ADAMTSL1: variants seen among roughly 807,000 people sequenced by gnomAD.
ADAMTSL1 encodes the protein ADAMTS-like protein 1.
Under a neutral mutation model 201.8 loss-of-function variants are expected in ADAMTSL1, and 126 were observed. The observed-to-expected ratio is 0.62, with a 90% CI of 0.54 to 0.72. The LOEUF (loss-of-function observed/expected upper bound fraction) is 0.72, where lower values mean the gene tolerates loss of function less well. Among genes scored for constraint, ADAMTSL1 ranks in the 30% least tolerant of loss-of-function variants. The probability of loss-of-function intolerance (pLI) is 0.00; values close to 1 mark genes in which losing one functional copy is unlikely to be tolerated. For missense variants in ADAMTSL1, 2,679 were observed against 2,277.8 expected (o/e 1.18, Z -3.59); for synonymous variants, 1,121 against 903.4 (o/e 1.24, Z -4.32).
intron 17 of ADAMTSL1, among the ~76,000 whole-genome samples, chr9:18,773,782 G>A (rs943703397): frequency 1.1e-4 from 16 of 152,150 alleles, no homozygotes; most frequent in South Asian, 2.1e-4. Flanking sequence ...CTGTTTTTAT[G>A]TTTCTACTTA....
At chr9:18,235,114 T>C (rs1830793362) in intron 2 of ADAMTSL1, among the ~76,000 whole-genome samples, 1 of 152,194 alleles carries the variant, frequency 6.6e-6, no homozygotes, top group African/African-American at 2.4e-5. Flanking sequence ...TGGTCTGGAA[T>C]CACATCCTGG....
intron 2 of ADAMTSL1, among the ~76,000 whole-genome samples, chr9:18,363,375 C>T (rs564817414): frequency 2.0e-5 from 3 of 152,118 alleles, no homozygotes; most frequent in Admixed American, 6.5e-5. Context: ...TATTATAAGC[C>T]GACAAGCGTA....
At chr9:17,971,005 G>C (rs1371639491) in intron 1 of ADAMTSL1, among the ~76,000 whole-genome samples, 3 of 152,020 alleles carry the variant, frequency 2.0e-5, no homozygotes, top group Non-Finnish European at 2.9e-5. Flanking sequence ...TTGCTGTGTA[G>C]TAAATTTGGT....
intron 2 of ADAMTSL1, among the ~76,000 whole-genome samples, chr9:18,212,548 A>C (rs1829917485): frequency 6.6e-6 from 1 of 152,216 alleles, no homozygotes; most frequent in South Asian, 2.1e-4. Flanking sequence ...GGCCAGGCTG[A>C]AGTGTAGTTT....
At chr9:18,024,886 G>C (rs1211868899) in intron 1 of ADAMTSL1, among the ~76,000 whole-genome samples, 2 of 152,106 alleles carry the variant, frequency 1.3e-5, no homozygotes, top group Admixed American at 6.6e-5. Context: ...TCCACCAACA[G>C]TGTATAAGCA....
intron 2 of ADAMTSL1, among the ~76,000 whole-genome samples, chr9:18,373,037 A>T (rs1456554092): frequency 6.6e-6 from 1 of 152,170 alleles, no homozygotes; most frequent in Non-Finnish European, 1.5e-5. Flanking sequence ...TAGCCGCATG[A>T]TCCTTAGGGA....
At chr9:18,248,836 G>C (rs950400530) in intron 2 of ADAMTSL1, among the ~76,000 whole-genome samples, 7 of 152,176 alleles carry the variant, frequency 4.6e-5, no homozygotes, top group Admixed American at 3.9e-4. Context: ...GATTAGGCAA[G>C]AATGTATTGT....
intron 2 of ADAMTSL1, among the ~76,000 whole-genome samples, chr9:18,255,321 G>T (rs181315501): frequency 6.6e-6 from 1 of 151,802 alleles, no homozygotes; most frequent in East Asian, 1.9e-4. Flanking sequence ...GCGTTTGCTA[G>T]CATCTTTAAA....
chr9:17,914,793 C>G (rs1826027779), intron 1 of ADAMTSL1, among the ~76,000 whole-genome samples: 1 of 151,860 alleles, frequency 6.6e-6, no homozygotes, highest in Admixed American at 6.6e-5. Context: ...AGCCCAAAAT[C>G]TCCTTAAGCT....
At chr9:17,968,581 T>G (rs1818073268) in intron 1 of ADAMTSL1, among the ~76,000 whole-genome samples, 2 of 152,076 alleles carry the variant, frequency 1.3e-5, no homozygotes, top group South Asian at 4.1e-4. Context: ...TTGGCACCAT[T>G]GGCATTGTAG....
chr9:18,684,272 T>C (rs1830690294), intron 12 of ADAMTSL1, among the ~76,000 whole-genome samples: 1 of 152,060 alleles, frequency 6.6e-6, no homozygotes, highest in African/African-American at 2.4e-5. Flanking sequence ...TTTGGCAATG[T>C]GACATAGATC....
chr9:18,588,896 TATATATAC>T (rs1339530586), intron 4 of ADAMTSL1, among the ~76,000 whole-genome samples: 1 of 113,958 alleles, frequency 8.8e-6, no homozygotes, highest in Non-Finnish European at 1.9e-5. Context: ...TATATATATA[TATATATAC>T]ATATATATAC....
At chr9:18,239,064 TA>T (rs1487811596) in intron 2 of ADAMTSL1, among the ~76,000 whole-genome samples, 2 of 152,246 alleles carry the variant, frequency 1.3e-5, no homozygotes, top group Admixed American at 6.5e-5. Context: ...ACCTTAATTT[TA>T]AAGTATTGCT....
intron 2 of ADAMTSL1, among the ~76,000 whole-genome samples, chr9:18,185,506 A>G (rs1417473428): frequency 6.6e-6 from 1 of 152,168 alleles, no homozygotes; most frequent in Non-Finnish European, 1.5e-5. Context: ...AATGTGTATT[A>G]TTATTAGCCA....
intron 1 of ADAMTSL1, among the ~76,000 whole-genome samples, chr9:17,959,732 A>G (rs1028986807): frequency 1.3e-5 from 2 of 152,202 alleles, no homozygotes; most frequent in African/African-American, 4.8e-5. Context: ...CTGGGATTAT[A>G]GGAGCAAGCC....
At chr9:18,386,019 T>C (rs34135634) in intron 2 of ADAMTSL1, among the ~76,000 whole-genome samples, 11,675 of 152,258 alleles carry the variant, frequency 0.077, 461 homozygotes, top group Non-Finnish European at 0.087. Flanking sequence ...AGTCAAAGAA[T>C]GCATAATAAA....
At chr9:18,874,276 C>G (rs541988979) in intron 23 of ADAMTSL1, among the ~76,000 whole-genome samples, 1 of 152,034 alleles carries the variant, frequency 6.6e-6, no homozygotes, top group African/African-American at 2.4e-5. Context: ...GATTTGGATG[C>G]GCTTTCTTTC....
At chr9:18,460,347 A>G (rs1461607007) in intron 2 of ADAMTSL1, among the ~76,000 whole-genome samples, 1 of 152,216 alleles carries the variant, frequency 6.6e-6, no homozygotes, top group African/African-American at 2.4e-5. Flanking sequence ...TGTTTGCTGC[A>G]GAAGATACAG....
At chr9:18,784,809 C>T (rs555347794) in intron 19 of ADAMTSL1, among the ~76,000 whole-genome samples, 28 of 152,162 alleles carry the variant, frequency 1.8e-4, no homozygotes, top group African/African-American at 6.3e-4. Context: ...CCAATTTTAC[C>T]GATATTGGAG....
Sources: allele counts gnomAD v4.1 joint callset (sites outside exome capture counted in the v4.1 genomes callset), GRCh38; gene constraint gnomAD v4.1.1; transcripts MANE v1.5; gene names NCBI Gene and HGNC (gene_info 2026-07-23, HGNC 2026-07-21).